The following GATAD2B variants were observed in gnomAD, a reference collection of about 807,000 sequenced individuals.
The protein encoded by GATAD2B is transcriptional repressor p66-beta.
In GATAD2B, 8 loss-of-function variants were observed where a neutral mutation model predicts 64.3. That is an observed-to-expected ratio of 0.12 (90% CI 0.07 to 0.22). The LOEUF (loss-of-function observed/expected upper bound fraction) is 0.22, where lower values mean the gene tolerates loss of function less well. GATAD2B is among the 10% of genes least tolerant of loss of function. GATAD2B has a pLI of 1.00. For missense variants in GATAD2B, 453 were observed against 752.0 expected (o/e 0.60, Z 4.65); for synonymous variants, 281 against 271.3 (o/e 1.04, Z -0.35).
chr1:153,902,268 C>T (rs558491329), intron 1 of GATAD2B, among the ~76,000 whole-genome samples: 2 of 150,420 alleles, frequency 1.3e-5, no homozygotes, highest in Admixed American at 6.7e-5. Flanking sequence ...GCAACAAGAG[C>T]GAAACTCCAT....
At chr1:153,811,897 T>C in intron 9 of GATAD2B, 49 bp from the exon 10 acceptor site, 1 of 1,376,108 alleles carries the variant, frequency 7.3e-7, no homozygotes, top group Non-Finnish European at 1.0e-6. Flanking sequence ...GATAGAATGT[T>C]AAGCGGGGGC....
At chr1:153,882,725 C>T (rs1198057370) in intron 1 of GATAD2B, among the ~76,000 whole-genome samples, 1 of 151,970 alleles carries the variant, frequency 6.6e-6, no homozygotes. Context: ...CCTACCACAT[C>T]CCACTTACCA....
At chr1:153,895,025 G>C (rs1677544582) in intron 1 of GATAD2B, among the ~76,000 whole-genome samples, 1 of 152,182 alleles carries the variant, frequency 6.6e-6, no homozygotes, top group South Asian at 2.1e-4. Flanking sequence ...AGGTGTGGTG[G>C]CACATGCCTG....
intron 1 of GATAD2B, among the ~76,000 whole-genome samples, chr1:153,878,462 T>C (rs1036009566): frequency 7.2e-5 from 11 of 152,136 alleles, no homozygotes; most frequent in Non-Finnish European, 1.2e-4. Context: ...TAACCTCATA[T>C]TCACTTCCTA....
At chr1:153,887,210 CAT>C (rs949870697) in intron 1 of GATAD2B, among the ~76,000 whole-genome samples, 41 of 152,176 alleles carry the variant, frequency 2.7e-4, no homozygotes, top group African/African-American at 9.7e-4. Flanking sequence ...TTCCTCTCCA[CAT>C]GTTTAGAAAT....
intron 1 of GATAD2B, among the ~76,000 whole-genome samples, chr1:153,859,051 T>C (rs1479895392): frequency 1.3e-5 from 2 of 152,044 alleles, no homozygotes; most frequent in Non-Finnish European, 2.9e-5. Context: ...AAGGTACAGA[T>C]GAAGTGCTAA....
rs1490653855 is a variant in GATAD2B at position 153,818,180 on chromosome 1, G to A, written c.598-9C>T. On this transcript the variant is annotated splice_polypyrimidine_tract_variant and intron_variant, in intron 4 of 10. Transcript: ENST00000368655. ...TTCTGTACAACTGGAGTCTGGGAGA[G>A]GGAAGAGAAAATAAGACTGTGGCCA... 1 of 1,587,542 alleles carries A rather than the reference G, an allele frequency of 6.3e-7. No homozygotes were observed. The highest frequency in any genetic ancestry group is 8.6e-7 in the Non-Finnish European group (1 of 1,168,098).
At chr1:153,814,898 C>A (rs927939314) in intron 7 of GATAD2B, among the ~76,000 whole-genome samples, 1 of 151,364 alleles carries the variant, frequency 6.6e-6, no homozygotes, top group African/African-American at 2.4e-5. Flanking sequence ...ATTGCTTGAA[C>A]CCAGGAGGTG....
chr1:153,892,816 T>TCCCAAGTA (rs1225430123), intron 1 of GATAD2B, among the ~76,000 whole-genome samples: 1 of 147,758 alleles, frequency 6.8e-6, no homozygotes, highest in African/African-American at 2.5e-5. Flanking sequence ...TACCTCCGCC[T>TCCCAAGTA]CCCAAGTAGC....
chr1:153,921,349 C>T (rs919385269), intron 1 of GATAD2B, among the ~76,000 whole-genome samples: 4 of 152,192 alleles, frequency 2.6e-5, no homozygotes, highest in Non-Finnish European at 5.9e-5. Flanking sequence ...CTTTGTACAA[C>T]CACATGCATG....
In GATAD2B at chr1:153,813,384, G is replaced by A; in HGVS notation, c.1285C>T (p.Pro429Ser). 1 of 1,614,026 alleles carries A rather than the reference G, an allele frequency of 6.2e-7. No individual in the cohort carries two copies. The highest frequency in any genetic ancestry group is 8.5e-7 in the Non-Finnish European group (1 of 1,179,904). Residue 429 changes from proline to serine, a missense_variant, in exon 8 of 11, where the codon CCT becomes TCT. Pro to Ser is a moderately conservative substitution (Grantham distance 74). Coordinates refer to ENST00000368655, the MANE Select transcript of GATAD2B (RefSeq NM_020699.4). ...CCATTCTTTTCTTGCTTCCAGTGAG[G>A]GGTGAAATCTGTGCGGCACTGGGCA... Reference protein sequence around the residue: ...VCAQCRTDFTPHWKQEKNGKI... With the variant: ...VCAQCRTDFTSHWKQEKNGKI...
chr1:153,819,972 C>G (rs1364581453), intron 2 of GATAD2B, among the ~76,000 whole-genome samples: 1 of 151,976 alleles, frequency 6.6e-6, no homozygotes, highest in East Asian at 1.9e-4. Flanking sequence ...GCGGCGCGCA[C>G]CTGTAGTCCC....
chr1:153,822,851 C>A (rs1674731675), intron 2 of GATAD2B, among the ~76,000 whole-genome samples: 1 of 152,052 alleles, frequency 6.6e-6, no homozygotes, highest in Non-Finnish European at 1.5e-5. Context: ...CTCACTCTGT[C>A]ACCCAGGAAG....
chr1:153,817,914 G>A, intron 5 of GATAD2B, 126 bp downstream of exon 5: 1 of 787,158 alleles, frequency 1.3e-6, no homozygotes, highest in Non-Finnish European at 2.0e-6. Context: ...TGGGCCAACA[G>A]AACAATCAGT....
At chr1:153,869,229 T>A (rs1001500171) in intron 1 of GATAD2B, among the ~76,000 whole-genome samples, 5 of 151,490 alleles carry the variant, frequency 3.3e-5, no homozygotes, top group Non-Finnish European at 5.9e-5. Flanking sequence ...GAGGCAGAGG[T>A]TGCAGTGAGC....
chr1:153,900,588 T>C (rs754707245), intron 1 of GATAD2B, among the ~76,000 whole-genome samples: 9 of 152,142 alleles, frequency 5.9e-5, no homozygotes, highest in Non-Finnish European at 8.8e-5. Flanking sequence ...AGATCACAGC[T>C]CACTGCAGCC....
chr1:153,824,789 A>G (rs1004503111), intron 2 of GATAD2B, among the ~76,000 whole-genome samples: 1 of 151,856 alleles, frequency 6.6e-6, no homozygotes, highest in Non-Finnish European at 1.5e-5. Context: ...CAAAGTTTCT[A>G]TGAAAAATGT....
At chr1:153,915,165 G>A (rs1016634624) in intron 1 of GATAD2B, among the ~76,000 whole-genome samples, 2 of 152,156 alleles carry the variant, frequency 1.3e-5, no homozygotes, top group Non-Finnish European at 2.9e-5. Context: ...GGTGGCTCAC[G>A]CCTGTAATCC....
intron 7 of GATAD2B, among the ~76,000 whole-genome samples, chr1:153,815,922 A>C (rs1674465868): frequency 1.3e-5 from 2 of 152,184 alleles, no homozygotes; most frequent in Admixed American, 1.3e-4. Context: ...GTGTGGTGCC[A>C]CGTGCCTGTA....
Sources: allele counts gnomAD v4.1 joint callset (sites outside exome capture counted in the v4.1 genomes callset), GRCh38; gene constraint gnomAD v4.1.1; transcripts MANE v1.5; gene names NCBI Gene and HGNC (gene_info 2026-07-23, HGNC 2026-07-21).